Variants in LRRC7 observed in about 807,000 individuals in gnomAD.
The protein encoded by LRRC7 is leucine-rich repeat-containing protein 7.
A neutral mutation model predicts 175.7 loss-of-function variants in LRRC7; 23 were observed. The ratio of observed to expected loss-of-function variants is 0.13; its 90% CI spans 0.09 to 0.19. The LOEUF is 0.19. LRRC7 is among the 10% of genes least tolerant of loss of function. The pLI, the probability that LRRC7 is intolerant of heterozygous loss-of-function variation, is 1.00. For synonymous variants in LRRC7, 685 were observed against 680.9 expected, an observed-to-expected ratio of 1.01 and a Z score of -0.09; for missense variants, 1,354 against 1,904.7, an observed-to-expected ratio of 0.71 and a Z score of 5.38.
At chr1:69,889,195 G>A (rs527586238) in intron 7 of LRRC7, among the ~76,000 whole-genome samples, 1 of 152,282 alleles carries the variant, frequency 6.6e-6, no homozygotes, top group African/African-American at 2.4e-5. Context: ...ACTGATCAGG[G>A]TGGTGGTTGA....
At position 70,039,601 on chromosome 1, in the gene LRRC7, G is replaced by A. The variant is rs1174818181; in HGVS notation, c.3777G>A (p.Arg1259=). Reference sequence around the variant, plus strand: ...CCCAAACCAGGCCAGTTTCAGCTAGGCCTACTATGGCAGCTCTTTTGGAAA... The same window carrying A: ...CCCAAACCAGGCCAGTTTCAGCTAGACCTACTATGGCAGCTCTTTTGGAAA... The part of the protein sequence containing the change: ...GASQTRPVSA[R]PTMAALLEKI... Residue 1259 remains arginine (R), a synonymous_variant, in exon 21 of 27, where the codon AGG becomes AGA. Coordinates refer to ENST00000651989, the MANE Select transcript of LRRC7 (RefSeq NM_001370785.2). 1 of 1,613,964 alleles carries A rather than the reference G, an allele frequency of 6.2e-7. No homozygotes were observed. Among genetic ancestry groups the A allele is most frequent in the African/African-American group, 1.3e-5 (1 of 74,908 alleles).
intron 1 of LRRC7, among the ~76,000 whole-genome samples, chr1:69,636,705 T>G (rs1653416607): frequency 1.3e-5 from 2 of 152,022 alleles, no homozygotes; most frequent in African/African-American, 2.4e-5. Context: ...ATTCCTCATT[T>G]GTTGACAAAT....
rs1400136278 is a variant in LRRC7, at chr1:70,138,090, T to C, written c.*16203T>C. On this transcript the variant is annotated 3_prime_UTR_variant, in exon 27 of 27. Coordinates refer to ENST00000651989, the MANE Select transcript of LRRC7 (RefSeq NM_001370785.2). ...AATTAGCTGCCATTTTGTGATGAAG[T>C]GTTTGGTTTTTCCTTGTAGAAACTT... The C allele has an allele frequency of 6.6e-6, 1 of 152,168 alleles. No homozygotes were observed. The highest frequency in any genetic ancestry group is 1.9e-4 in the East Asian group (1 of 5,188). The allele number at this position is 152,168 out of a possible 1,614,324, so 9.4% of individuals were successfully genotyped here. A position where few individuals can be genotyped will look rare whatever the true frequency, so the allele number is the denominator to read the frequency against.
rs576997192 is a variant in LRRC7 at position 69,774,316 on chromosome 1, C to T, written c.303+13923C>T. ...TACATTTAGAAATATAATTGCTTGA[C>T]ATTTGACAGAGCTTTTTGAGCATTT... On this transcript the variant is annotated intron_variant, in intron 3 of 26. Coordinates refer to ENST00000651989, the MANE Select transcript of LRRC7 (RefSeq NM_001370785.2). 5.2e-4 allele frequency among the ~76,000 whole-genome samples: 79 copies of T among 152,216 alleles called. 1 individual carries two copies. In the South Asian group the frequency reaches 7.5e-3, roughly 14 times the overall value.
intron 2 of LRRC7, among the ~76,000 whole-genome samples, chr1:69,740,826 T>C (rs1668629013): frequency 6.6e-6 from 1 of 151,966 alleles, no homozygotes; most frequent in Non-Finnish European, 1.5e-5. Flanking sequence ...AACAGCCCTG[T>C]CTCCAAATAC....
intron 1 of LRRC7, among the ~76,000 whole-genome samples, chr1:69,582,563 C>A (rs1646242475): frequency 6.6e-6 from 1 of 152,192 alleles, no homozygotes; most frequent in African/African-American, 2.4e-5. Context: ...GTCACATAAC[C>A]AAGCCTGGCA....
At position 69,656,025 on chromosome 1, in the gene LRRC7, T is replaced by TA. The variant is rs1417761455; in HGVS notation, c.3-22355dup. On this transcript the variant is annotated intron_variant, in intron 1 of 26. Transcript: ENST00000651989. Reference sequence around the variant, plus strand: ...CATTTGAACTGCCTACATTCTCACTTAGAGTTATGGCTGTTTCATATGTTG... The same window carrying TA: ...CATTTGAACTGCCTACATTCTCACTTAAGAGTTATGGCTGTTTCATATGTTG... Among the ~76,000 whole-genome samples, 5 of 152,070 alleles carry TA rather than the reference T, an allele frequency of 3.3e-5. No homozygotes were observed. In the East Asian group the frequency reaches 9.6e-4, roughly 29 times the overall value.
intron 1 of LRRC7, among the ~76,000 whole-genome samples, chr1:69,668,487 A>G (rs1658594734): frequency 6.6e-6 from 1 of 152,072 alleles, no homozygotes; most frequent in Non-Finnish European, 1.5e-5. Context: ...ATCCCTTTTT[A>G]TGGAGGCATA....
At chr1:70,031,117 A>G (rs935646363) in intron 18 of LRRC7, 1 of 152,226 alleles carries the variant, frequency 6.6e-6, no homozygotes, top group African/African-American at 2.4e-5. Context: ...AAATATAATG[A>G]ACAGTTATGA....
intron 2 of LRRC7, among the ~76,000 whole-genome samples, chr1:69,686,074 C>G (rs940499626): frequency 6.6e-6 from 1 of 152,144 alleles, no homozygotes; most frequent in East Asian, 1.9e-4. Flanking sequence ...TCATCTGAAA[C>G]CACAGAGGCC....
At chr1:69,668,756 C>T (rs1406804562) in intron 1 of LRRC7, among the ~76,000 whole-genome samples, 4 of 152,132 alleles carry the variant, frequency 2.6e-5, no homozygotes, top group Non-Finnish European at 5.9e-5. Context: ...ATTTACATGC[C>T]CACCAACAGT....
At chr1:69,943,390 A>C (rs1369673883) in intron 8 of LRRC7, among the ~76,000 whole-genome samples, 1 of 152,116 alleles carries the variant, frequency 6.6e-6, no homozygotes, top group East Asian at 1.9e-4. Flanking sequence ...ACTTATATGA[A>C]ATGTCTAAAA....
intron 1 of LRRC7, among the ~76,000 whole-genome samples, chr1:69,577,585 G>C (rs1218405712): frequency 1.3e-5 from 2 of 152,134 alleles, no homozygotes; most frequent in African/African-American, 2.4e-5. Flanking sequence ...TCCAGTTTCA[G>C]CTTTCTACAT....
At chr1:69,953,850 A>G (rs1024772192) in intron 8 of LRRC7, among the ~76,000 whole-genome samples, 1 of 152,030 alleles carries the variant, frequency 6.6e-6, no homozygotes, top group Non-Finnish European at 1.5e-5. Flanking sequence ...ATTCTGTTTC[A>G]GTGAGTTTGG....
intron 2 of LRRC7, among the ~76,000 whole-genome samples, chr1:69,717,074 CATACT>C (rs1327088019): frequency 2.2e-4 from 26 of 118,700 alleles, no homozygotes; most frequent in Non-Finnish European, 4.5e-4. Flanking sequence ...TACATATATA[CATACT>C]TTTTTTTCAA....
chr1:69,814,466 A>G (rs1291192151), intron 4 of LRRC7, among the ~76,000 whole-genome samples: 1 of 152,206 alleles, frequency 6.6e-6, no homozygotes, highest in Non-Finnish European at 1.5e-5. Flanking sequence ...ATTAAGAGCC[A>G]GACATGATAC....
intron 25 of LRRC7, among the ~76,000 whole-genome samples, chr1:70,105,435 C>A (rs1665078362): frequency 6.6e-6 from 1 of 152,052 alleles, no homozygotes; most frequent in South Asian, 2.1e-4. Flanking sequence ...TCTGATGTCC[C>A]ATTACTGTGT....
intron 17 of LRRC7, among the ~76,000 whole-genome samples, chr1:70,027,646 C>A (rs980823879): frequency 6.6e-6 from 1 of 152,106 alleles, no homozygotes; most frequent in African/African-American, 2.4e-5. Context: ...TGATATAACA[C>A]ACTAACTAAC....
rs1666495776 is a variant in LRRC7, at chr1:70,127,450, C to T, written c.*5563C>T. On this transcript the variant is annotated 3_prime_UTR_variant, in exon 27 of 27. Transcript: ENST00000651989. Reference sequence around the variant, plus strand: ...GTTAAAGTATAGGAATATTGAGTCCCTTGGGATTTTAACCATGTGATTATG... The same window carrying T: ...GTTAAAGTATAGGAATATTGAGTCCTTTGGGATTTTAACCATGTGATTATG... Among the ~76,000 whole-genome samples the T allele has an allele frequency of 1.3e-5, 2 of 152,128 alleles. No individual in the cohort carries two copies. Among genetic ancestry groups the T allele is most frequent in the Admixed American group, 6.5e-5 (1 of 15,274 alleles).
Sources: gnomAD v4.1 joint callset for allele counts (sites outside exome capture counted in the v4.1 genomes callset) on GRCh38, gnomAD v4.1.1 for gene constraint, MANE v1.5 for transcripts, NCBI Gene and HGNC (gene_info 2026-07-23, HGNC 2026-07-21) for gene names.